The following SHROOM3 variants were observed in gnomAD, a reference collection of about 807,000 sequenced individuals.
SHROOM3 encodes the protein protein Shroom3.
Under a neutral mutation model 138.6 loss-of-function variants are expected in SHROOM3, and 47 were observed. That is an observed-to-expected ratio of 0.34 (90% CI 0.27 to 0.43). The LOEUF is 0.43. Among genes scored for constraint, SHROOM3 ranks in the 20% least tolerant of loss-of-function variants. The pLI, the probability that SHROOM3 is intolerant of heterozygous loss-of-function variation, is 1.00. For missense variants in SHROOM3, 2,491 were observed against 2,596.5 expected (o/e 0.96, Z 0.88); for synonymous variants, 1,062 against 1,063.3 (o/e 1.00, Z 0.02).
At chr4:76,756,062 A>C (rs565803927) in intron 7 of SHROOM3, among the ~76,000 whole-genome samples, 6 of 152,310 alleles carry the variant, frequency 3.9e-5, no homozygotes, top group Admixed American at 3.9e-4. Context: ...CTTCCTCAGG[A>C]GATGACAACC....
At chr4:76,608,688 C>T (rs62300924) in intron 2 of SHROOM3, among the ~76,000 whole-genome samples, 7,714 of 24,868 alleles carry the variant, frequency 0.31, 953 homozygotes, top group East Asian at 0.45. Flanking sequence ...CAGCACAGCA[C>T]AGCACAGCAC....
At chr4:76,532,038 C>T (rs1273336061) in intron 1 of SHROOM3, among the ~76,000 whole-genome samples, 1 of 150,296 alleles carries the variant, frequency 6.7e-6, no homozygotes, top group African/African-American at 2.5e-5. Context: ...GGTATATCTC[C>T]TAATGCTATC....
rs560737486 is a variant in SHROOM3, at chr4:76,665,262, A to T, written c.324-44894A>T. ...CACTTGGCTGCAGCTTTACCTATGA[A>T]GTACTCATTCATGCCATGTGGCCTG... On this transcript the variant is annotated intron_variant, in intron 2 of 10. Transcript: ENST00000296043. 1.1e-4 allele frequency among the ~76,000 whole-genome samples: 16 copies of T among 152,228 alleles called. 1 individual carries two copies. The highest frequency in any genetic ancestry group is 3.9e-4 in the African/African-American group (16 of 41,532).
chr4:76,731,943 A>G (rs1720898782), intron 4 of SHROOM3, among the ~76,000 whole-genome samples: 1 of 152,144 alleles, frequency 6.6e-6, no homozygotes. Flanking sequence ...TTTTCTAGCT[A>G]CTGTTTGTTG....
chr4:76,540,050 G>A (rs753403906), intron 1 of SHROOM3, among the ~76,000 whole-genome samples: 3 of 152,228 alleles, frequency 2.0e-5, no homozygotes, highest in Non-Finnish European at 4.4e-5. Context: ...GTTTCGCCAT[G>A]TTGGCCTGGC....
At chr4:76,656,945 G>T (rs1040063844) in intron 2 of SHROOM3, among the ~76,000 whole-genome samples, 5 of 152,174 alleles carry the variant, frequency 3.3e-5, no homozygotes, top group Non-Finnish European at 5.9e-5. Flanking sequence ...GCTGAGGTGG[G>T]TGGATCACCT....
chr4:76,769,611 G>C (rs2109790654), intron 9 of SHROOM3, among the ~76,000 whole-genome samples: 1 of 152,294 alleles, frequency 6.6e-6, no homozygotes, highest in Middle Eastern at 3.4e-3. Flanking sequence ...CTGGTAACTG[G>C]AGACAGGGGA....
Position 76,689,674 on chromosome 4 carries a change from G to A in SHROOM3, c.324-20482G>A, listed in dbSNP as rs986291451. ...CGGCCTGGAGCCCCGAGCAGCCCGGGGGCGGCGGCCGCGAGGCGAGCGGCG... is the reference window on the plus strand; with the variant it reads ...CGGCCTGGAGCCCCGAGCAGCCCGGAGGCGGCGGCCGCGAGGCGAGCGGCG... On this transcript the variant is annotated intron_variant, in intron 2 of 10. Transcript: ENST00000296043. The A allele has an allele frequency of 3.0e-5, 30 of 985,454 alleles. No individual in the cohort carries two copies. In the African/African-American group the frequency reaches 4.2e-4, roughly 14 times the overall value. The allele number at this position is 985,454 out of a possible 1,614,324, so 61.0% of individuals were successfully genotyped here.
At chr4:76,482,787 G>T (rs1219879288) in intron 1 of SHROOM3, among the ~76,000 whole-genome samples, 4 of 152,134 alleles carry the variant, frequency 2.6e-5, no homozygotes, top group Admixed American at 2.0e-4. Context: ...GCATGGTACT[G>T]GTACCAAAAC....
At chr4:76,484,851 C>G (rs990507910) in intron 1 of SHROOM3, among the ~76,000 whole-genome samples, 4 of 152,124 alleles carry the variant, frequency 2.6e-5, no homozygotes, top group Non-Finnish European at 4.4e-5. Flanking sequence ...TGCCCCCACC[C>G]GCTTCCCTCT....
intron 9 of SHROOM3, among the ~76,000 whole-genome samples, chr4:76,761,462 T>C (rs1212488819): frequency 6.6e-6 from 1 of 152,222 alleles, no homozygotes; most frequent in African/African-American, 2.4e-5. Context: ...ACAAAACTCC[T>C]CTGACACTTG....
chr4:76,459,922 C>T (rs1731107442), intron 1 of SHROOM3, among the ~76,000 whole-genome samples: 1 of 152,112 alleles, frequency 6.6e-6, no homozygotes, highest in Non-Finnish European at 1.5e-5. Flanking sequence ...TCCTCGTCTA[C>T]AAAGTATGGA....
At chr4:76,552,144 G>A (rs1407014925) in intron 1 of SHROOM3, among the ~76,000 whole-genome samples, 1 of 150,958 alleles carries the variant, frequency 6.6e-6, no homozygotes, top group Non-Finnish European at 1.5e-5. Flanking sequence ...TTACAGGCAT[G>A]AGCCACTGCG....
intron 1 of SHROOM3, among the ~76,000 whole-genome samples, chr4:76,537,105 T>G (rs1732969197): frequency 6.6e-6 from 1 of 151,998 alleles, no homozygotes; most frequent in Admixed American, 6.6e-5. Context: ...AGAGCGAGAC[T>G]CCATCTCAAA....
chr4:76,696,602 C>T (rs989380018), intron 2 of SHROOM3, among the ~76,000 whole-genome samples: 6 of 152,140 alleles, frequency 3.9e-5, no homozygotes, highest in Non-Finnish European at 5.9e-5. Flanking sequence ...CCTGGCCTGG[C>T]GTCCCTGACC....
At chr4:76,694,892 G>A (rs2110109968) in intron 2 of SHROOM3, among the ~76,000 whole-genome samples, 1 of 152,258 alleles carries the variant, frequency 6.6e-6, no homozygotes, top group Non-Finnish European at 1.5e-5. Context: ...CCTTTTAAAG[G>A]TGAGGAAACC....
chr4:76,685,400 C>T (rs576492603), intron 2 of SHROOM3, among the ~76,000 whole-genome samples: 23 of 152,100 alleles, frequency 1.5e-4, no homozygotes, highest in African/African-American at 5.5e-4. Flanking sequence ...AAAAAAAATC[C>T]CATAATGTTT....
At chr4:76,720,709 T>C (rs941468066) in intron 3 of SHROOM3, among the ~76,000 whole-genome samples, 2 of 147,182 alleles carry the variant, frequency 1.4e-5, no homozygotes, top group Non-Finnish European at 3.0e-5. Flanking sequence ...CCTCCCGGAG[T>C]CAAGCGATTC....
Position 76,779,557 on chromosome 4 carries a change from G to C in SHROOM3, c.*380G>C. The C allele has an allele frequency of 5.1e-6, 1 of 197,326 alleles. No individual in the cohort carries two copies. The highest frequency in any genetic ancestry group is 1.0e-4 in the South Asian group (1 of 9,954). The allele number at this position is 197,326 out of a possible 1,614,324, so 12.2% of individuals were successfully genotyped here. A position where few individuals can be genotyped will look rare whatever the true frequency, so the allele number is the denominator to read the frequency against. ...TCCTTGCTGGTGGGCAGTGTATCCT[G>C]ATGGCAGGGTACAAGTACCATTAAT... is the stretch of plus-strand genomic sequence containing the variant. On this transcript the variant is annotated 3_prime_UTR_variant, in exon 11 of 11. Transcript: ENST00000296043.
Sources: allele counts gnomAD v4.1 joint callset (sites outside exome capture counted in the v4.1 genomes callset), GRCh38; gene constraint gnomAD v4.1.1; transcripts MANE v1.5; gene names NCBI Gene and HGNC (gene_info 2026-07-23, HGNC 2026-07-21).